Variants in PAGE2B observed in about 807,000 individuals in gnomAD.
The protein encoded by PAGE2B is PAGE family member 2B.
A neutral mutation model predicts 7.6 loss-of-function variants in PAGE2B; 5 were observed. The observed-to-expected ratio is 0.66, with a 90% CI of 0.34 to 1.38. The LOEUF (loss-of-function observed/expected upper bound fraction) is 1.38. Ranked by LOEUF, PAGE2B falls within the 40% of genes most tolerant of loss-of-function variation. The probability of loss-of-function intolerance (pLI) is 0.04; values close to 1 mark genes in which losing one functional copy is unlikely to be tolerated. For missense variants in PAGE2B, 70 were observed against 78.4 expected (o/e 0.89, Z 0.41); for synonymous variants, 29 against 26.7 (o/e 1.09, Z -0.27).
At chrX:55,067,059 G>T in the PAGE2B span, among the ~76,000 whole-genome samples, 1 of 109,571 alleles carries the variant, frequency 9.1e-6, no homozygotes, top group Non-Finnish European at 1.9e-5. Context: ...GTTCTATTAT[G>T]CTTTGTTTTT....
At chrX:55,029,783 G>A in the PAGE2B span, among the ~76,000 whole-genome samples, 2 of 111,774 alleles carry the variant, frequency 1.8e-5, no homozygotes, top group Non-Finnish European at 3.8e-5. Context: ...AGAGATGATG[G>A]TGAAATTTGA....
the PAGE2B span, among the ~76,000 whole-genome samples, chrX:55,028,617 C>G: frequency 9.0e-6 from 1 of 111,424 alleles, no homozygotes; most frequent in Non-Finnish European, 1.9e-5. Context: ...TAGACCACTT[C>G]TTGGAATTTG....
At chrX:55,069,798 C>T in the PAGE2B span, among the ~76,000 whole-genome samples, 1 of 111,512 alleles carries the variant, frequency 9.0e-6, no homozygotes, top group Non-Finnish European at 1.9e-5. Flanking sequence ...GGAATTTATC[C>T]ATTTCTTCTA....
the PAGE2B span, among the ~76,000 whole-genome samples, chrX:55,034,896 C>A: frequency 2.7e-5 from 3 of 110,065 alleles, no homozygotes; most frequent in Non-Finnish European, 1.9e-5. Context: ...AGCCGAGGAG[C>A]AACGAAGCCA....
chrX:55,056,329 G>A, the PAGE2B span, among the ~76,000 whole-genome samples: 1 of 110,970 alleles, frequency 9.0e-6, no homozygotes. Context: ...AAACCCTGAA[G>A]TCCAGGTCAG....
the PAGE2B span, among the ~76,000 whole-genome samples, chrX:55,031,747 GTCTTA>G: frequency 4.2e-3 from 470 of 111,064 alleles, no homozygotes; most frequent in African/African-American, 0.014. Context: ...GAAGTTCTCT[GTCTTA>G]TCTTTTCTAT....
chrX:55,042,673 A>G, the PAGE2B span, among the ~76,000 whole-genome samples: 1 of 102,420 alleles, frequency 9.8e-6, no homozygotes, highest in East Asian at 3.0e-4. Context: ...AAAAAAAAAA[A>G]AAAAAAAAAA....
chrX:55,060,659 A>G, the PAGE2B span, among the ~76,000 whole-genome samples: 3 of 111,370 alleles, frequency 2.7e-5, no homozygotes, highest in Non-Finnish European at 5.7e-5. Flanking sequence ...TTTGTTGCCT[A>G]TGCTTTTGGG....
the PAGE2B span, among the ~76,000 whole-genome samples, chrX:55,047,429 A>G: frequency 9.0e-6 from 1 of 111,596 alleles, no homozygotes; most frequent in East Asian, 2.8e-4. Context: ...TTGGGTATAT[A>G]CCCAGTAATG....
chrX:55,072,761 C>T (rs1267028576), upstream of PAGE2B, among the ~76,000 whole-genome samples: 2 of 112,323 alleles, frequency 1.8e-5, no homozygotes, highest in Admixed American at 9.4e-5. Context: ...TCAGAGATGC[C>T]CTGCCCAGTG....
chrX:55,050,150 T>TG, the PAGE2B span, among the ~76,000 whole-genome samples: 1 of 112,704 alleles, frequency 8.9e-6, no homozygotes, highest in African/African-American at 3.2e-5. Flanking sequence ...AGTTCTAGTT[T>TG]GATTGCACTG....
chrX:55,074,921 ATGTCCCAGTCAG>A (rs1280953083), upstream of PAGE2B: 1 of 112,794 alleles, frequency 8.9e-6, no homozygotes, highest in Non-Finnish European at 1.9e-5. Flanking sequence ...CACGAGGCGA[ATGTCCCAGTCAG>A]TGTGCATGCT....
chrX:55,051,363 T>C, the PAGE2B span, among the ~76,000 whole-genome samples: 1 of 111,679 alleles, frequency 9.0e-6, no homozygotes, highest in South Asian at 3.8e-4. Context: ...CCTGCCTTGC[T>C]AGATTGGGGA....
chrX:55,059,808 C>A, the PAGE2B span, among the ~76,000 whole-genome samples: 1 of 111,550 alleles, frequency 9.0e-6, no homozygotes, highest in Non-Finnish European at 1.9e-5. Flanking sequence ...AACCACCATT[C>A]TACTCTCAGT....
the PAGE2B span, among the ~76,000 whole-genome samples, chrX:55,039,905 A>G: frequency 8.9e-6 from 1 of 112,023 alleles, no homozygotes; most frequent in Non-Finnish European, 1.9e-5. Flanking sequence ...CCAATGGACC[A>G]TGCTTTATGA....
At chrX:55,068,754 A>G in the PAGE2B span, among the ~76,000 whole-genome samples, 1 of 111,637 alleles carries the variant, frequency 9.0e-6, no homozygotes, top group Non-Finnish European at 1.9e-5. Context: ...GGTACTTCAC[A>G]TCCCTTGTAA....
chrX:55,048,713 G>A, the PAGE2B span, among the ~76,000 whole-genome samples: 3 of 111,624 alleles, frequency 2.7e-5, no homozygotes, highest in African/African-American at 9.8e-5. Flanking sequence ...GGGCTGAGAT[G>A]ATGGGGTTTT....
chrX:55,034,752 C>CAT, the PAGE2B span, among the ~76,000 whole-genome samples: 7 of 108,819 alleles, frequency 6.4e-5, no homozygotes, highest in African/African-American at 2.3e-4. Flanking sequence ...CACACACACA[C>CAT]ACGTGAGTTT....
the PAGE2B span, among the ~76,000 whole-genome samples, chrX:55,046,405 C>T: frequency 1.8e-5 from 2 of 112,048 alleles, no homozygotes; most frequent in African/African-American, 3.2e-5. Flanking sequence ...TGAGCCACTA[C>T]GCCTGGCCCT....
Sources: gnomAD v4.1 joint callset for allele counts (sites outside exome capture counted in the v4.1 genomes callset) on GRCh38, gnomAD v4.1.1 for gene constraint, MANE v1.5 for transcripts, NCBI Gene and HGNC (gene_info 2026-07-23, HGNC 2026-07-21) for gene names.